Variants in CCDC187 observed in about 807,000 individuals in gnomAD.
CCDC187 encodes coiled-coil domain containing 187.
CCDC187 carries 32 observed loss-of-function variants against 38.0 expected under a neutral mutation model. The observed-to-expected ratio is 0.84, with a 90% CI of 0.64 to 1.13. The LOEUF (loss-of-function observed/expected upper bound fraction) is 1.13. Among genes scored for constraint, CCDC187 ranks in the 50% most tolerant of loss-of-function variants. CCDC187 has a pLI of 0.00. For missense variants in CCDC187, 707 were observed against 786.8 expected, an observed-to-expected ratio of 0.90 and a Z score of 1.21; for synonymous variants, 333 against 347.9, an observed-to-expected ratio of 0.96 and a Z score of 0.48.
At position 136,254,921 on chromosome 9, in the gene CCDC187, G is replaced by A. The variant is rs1830594498; in HGVS notation, c.4907C>T (p.Ala1636Val). 7.1e-6 allele frequency: 7 copies of A among 985,500 alleles called. No individual in the cohort carries two copies. Among genetic ancestry groups the A allele is most frequent in the African/African-American group, 1.7e-5 (1 of 57,366 alleles). The allele number at this position is 985,500 out of a possible 1,614,324, so 61.0% of individuals were successfully genotyped here. A position where few individuals can be genotyped will look rare whatever the true frequency, so the allele number is the denominator to read the frequency against. The change falls in exon 26 of 26, where the codon GCG (alanine) becomes GTG (valine). Residue 1636 changes from alanine (A) to valine (V), a missense_variant. Physicochemically the swap from Ala to Val is moderately conservative, Grantham distance 64 (BLOSUM62 0). Transcript: ENST00000638797. ...CCCAGAAAGCTGGATCAGGGTAGCC[G>A]CTGCTTTCTGGAACTCCCAGAGAGA... is the stretch of plus-strand genomic sequence containing the variant. ...CPSLWEFQKA[A>V]ATLIQLSGSS...
intron 24 of CCDC187, 53 bp from the exon 25 acceptor site, chr9:136,255,786 T>C (rs1390171737): frequency 5.5e-6 from 5 of 907,758 alleles, no homozygotes; most frequent in Non-Finnish European, 6.6e-6. Context: ...TCCTGGCCTC[T>C]TCCCCAGGGC....
Position 136,260,147 on chromosome 9 carries a change from C to T in CCDC187, c.4182G>A (p.Leu1394=), listed in dbSNP as rs1404170377. The T allele has an allele frequency of 1.1e-5, 11 of 985,362 alleles. No individual in the cohort carries two copies. Among genetic ancestry groups the T allele is most frequent in the Non-Finnish European group, 1.3e-5 (11 of 830,020 alleles). The allele number at this position is 985,362 out of a possible 1,614,324, so 61.0% of individuals were successfully genotyped here. A position where few individuals can be genotyped will look rare whatever the true frequency, so the allele number is the denominator to read the frequency against. ...GEDTHDPQGP[L]VESGSHVSQE... ...GACTGACATGGCTGCCACTCTCCAC[C>T]AGCGGGCCCTGGGGGTCGTGTGTGT... The change falls in exon 20 of 26, where the codon CTG becomes CTA. Residue 1394 remains leucine, a synonymous_variant. Transcript: ENST00000638797.
Position 136,260,182 on chromosome 9 carries a change from AT to A in CCDC187, c.4146del (p.Trp1383GlyfsTer37). ...TGGGGGTCGTGTGTGTCCTCGCCCC[AT>A]GCTGGCCTCGGAGGCTGCTGGTGAC... ...ADGHQQPPRP[A>X]WGEDTHDPQG... On this transcript the variant is annotated frameshift_variant, in exon 20 of 26. Coordinates refer to ENST00000638797, the MANE Select transcript of CCDC187 (RefSeq NM_001378188.1). LOFTEE classifies it high-confidence loss of function. 1 of 985,232 alleles carries A rather than the reference AT, an allele frequency of 1.0e-6. No individual in the cohort carries two copies. The highest frequency in any genetic ancestry group is 1.2e-6 in the Non-Finnish European group (1 of 830,008). The allele number at this position is 985,232 out of a possible 1,614,324, so 61.0% of individuals were successfully genotyped here.
In CCDC187 at chr9:136,290,461, C is replaced by A. The variant is rs955525915; in HGVS notation, c.2127+25G>T. 11 of 398,502 alleles carry A rather than the reference C, an allele frequency of 2.8e-5. No homozygotes were observed. In the East Asian group the frequency reaches 3.9e-4, roughly 14 times the overall value. The allele number at this position is 398,502 out of a possible 1,614,324, so 24.7% of individuals were successfully genotyped here. On this transcript the variant is annotated intron_variant, in intron 6 of 25. Coordinates refer to ENST00000638797, the MANE Select transcript of CCDC187 (RefSeq NM_001378188.1). Reference sequence around the variant, plus strand: ...CTCTGGCCCATGGCTGAGCCGAGTCCCCCCAACCCAACCCCAGCATGTACC... The same window carrying A: ...CTCTGGCCCATGGCTGAGCCGAGTCACCCCAACCCAACCCCAGCATGTACC...
intron 4 of CCDC187, chr9:136,296,170 C>G (rs1831530811): frequency 6.6e-6 from 1 of 152,402 alleles, no homozygotes. Context: ...CACGCAGTGC[C>G]CCTCCCCACG....
chr9:136,275,699 C>T (rs1454233847), intron 12 of CCDC187, among the ~76,000 whole-genome samples: 1 of 152,210 alleles, frequency 6.6e-6, no homozygotes, highest in Admixed American at 6.5e-5. Flanking sequence ...GACATTGTCC[C>T]CTCATGGGGC....
chr9:136,271,761 C>A (rs1004930578), intron 14 of CCDC187, among the ~76,000 whole-genome samples: 1 of 151,762 alleles, frequency 6.6e-6, no homozygotes, highest in South Asian at 2.1e-4. Context: ...GCACCCGCCA[C>A]CGCATCTGGC....
chr9:136,298,597 G>A (rs959640990), intron 3 of CCDC187, among the ~76,000 whole-genome samples: 9 of 152,244 alleles, frequency 5.9e-5, no homozygotes, highest in South Asian at 2.1e-4. Context: ...GCCCAAAGGC[G>A]TCTGGGCCTC....
chr9:136,284,106 T>C (rs1831113827), intron 9 of CCDC187, among the ~76,000 whole-genome samples: 1 of 151,654 alleles, frequency 6.6e-6, no homozygotes, highest in Non-Finnish European at 1.5e-5. Context: ...GGCCAGGAAA[T>C]GTCCCAGCAG....
chr9:136,289,636 G>A (rs916898634), intron 7 of CCDC187, among the ~76,000 whole-genome samples: 70 of 152,314 alleles, frequency 4.6e-4, no homozygotes, highest in Non-Finnish European at 6.9e-4. Context: ...GGGGCTCATG[G>A]GGAGATGGAA....
chr9:136,301,376 A>G (rs1050412789), intron 2 of CCDC187, among the ~76,000 whole-genome samples: 1 of 152,006 alleles, frequency 6.6e-6, no homozygotes, highest in African/African-American at 2.4e-5. Flanking sequence ...CAGAGTTGTC[A>G]GAGCTACAGA....
At position 136,264,758 on chromosome 9, in the gene CCDC187, C is replaced by T. The variant is rs1251431204; in HGVS notation, c.3736-960G>A. 6.8e-6 allele frequency among the ~76,000 whole-genome samples: 1 copy of T among 146,706 alleles called. No homozygotes were observed. The highest frequency in any genetic ancestry group is 1.5e-5 in the Non-Finnish European group (1 of 66,312). On this transcript the variant is annotated intron_variant, in intron 17 of 25. Coordinates refer to ENST00000638797, the MANE Select transcript of CCDC187 (RefSeq NM_001378188.1). This position sits in a 1 kb window ranked among gnomAD's most constrained non-coding sequence, Gnocchi z 4.3. ...GGCAAAGTAGTCCCCCACCCCAGCT[C>T]ACCTTTTTTTTTTTTGAAACAAGGT...
chr9:136,259,007 G>C lies in CCDC187; in HGVS notation c.4297-6C>G. 1.0e-6 allele frequency: 1 copy of C among 986,106 alleles called. No individual in the cohort carries two copies. The highest frequency in any genetic ancestry group is 1.7e-5 in the African/African-American group (1 of 57,374). 61.1% of individuals were successfully genotyped at this position (986,106 alleles called of 1,614,324 possible). A position where few individuals can be genotyped will look rare whatever the true frequency, so the allele number is the denominator to read the frequency against. ...CGCCCCTCCGCCTCCTCGGCCTGGG[G>C]GGTGAGACGGGAGTGGACATGGCAC... On this transcript the variant is annotated splice_polypyrimidine_tract_variant and splice_region_variant and intron_variant, in intron 21 of 25. Coordinates refer to ENST00000638797, the MANE Select transcript of CCDC187 (RefSeq NM_001378188.1).
upstream of CCDC187, among the ~76,000 whole-genome samples, chr9:136,306,335 T>C (rs1831803900): frequency 6.6e-6 from 1 of 152,304 alleles, no homozygotes; most frequent in African/African-American, 2.4e-5. Flanking sequence ...CCACCCACCA[T>C]GCTCCAGTCC....
Position 136,257,759 on chromosome 9 carries a change from C to T in CCDC187, c.4367-918G>A, listed in dbSNP as rs191719143. 2.0e-5 allele frequency among the ~76,000 whole-genome samples: 3 copies of T among 152,378 alleles called. No homozygotes were observed. Among genetic ancestry groups the T allele is most frequent in the Admixed American group, 2.0e-4 (3 of 15,310 alleles). ...AAGCCCAAGGAGGGGGAAGCTCCAT[C>T]AGTGGGAACACCTGCCCTCTTGTCC... On this transcript the variant is annotated intron_variant, in intron 22 of 25. Coordinates refer to ENST00000638797, the MANE Select transcript of CCDC187 (RefSeq NM_001378188.1). The surrounding 1 kb of genome is among the most constrained non-coding windows in gnomAD (Gnocchi z 4.5).
rs1336792231 is a variant in CCDC187 at position 136,303,187 on chromosome 9, C to A, written c.250G>T (p.Asp84Tyr). The A allele has an allele frequency of 5.0e-6, 2 of 398,480 alleles. No individual in the cohort carries two copies. Among genetic ancestry groups the A allele is most frequent in the South Asian group, 1.3e-4 (1 of 7,792 alleles). 24.7% of individuals were successfully genotyped at this position (398,480 alleles called of 1,614,324 possible). The change falls in exon 2 of 26, where the codon GAC (aspartate) becomes TAC (tyrosine). Residue 84 changes from aspartate (D) to tyrosine (Y), a missense_variant. Coordinates refer to ENST00000638797, the MANE Select transcript of CCDC187 (RefSeq NM_001378188.1). ...CCCCAGGGTCCTGGTTCCTTGAGGT[C>A]GTCAGACCCGACCACGTGGGGAGCT... ...WAAPHVVGSD[D>Y]LKEPGPWGKA...
At chr9:136,278,133 T>C (rs1187361327) in intron 10 of CCDC187, among the ~76,000 whole-genome samples, 1 of 152,260 alleles carries the variant, frequency 6.6e-6, no homozygotes, top group African/African-American at 2.4e-5. Context: ...CAGGTGTCTG[T>C]TCTGAGCTGA....
rs1272772062 is a variant in CCDC187 at position 136,289,945 on chromosome 9, A to G, written c.2222+14T>C. 5.0e-5 allele frequency: 18 copies of G among 358,738 alleles called. No homozygotes were observed. In the East Asian group the frequency reaches 7.1e-4, roughly 14 times the overall value. 22.2% of individuals were successfully genotyped at this position (358,738 alleles called of 1,614,324 possible). The stretch of plus-strand genomic sequence containing the variant: ...CCCGCCCGGCATGTGCAGCACCCAC[A>G]CTTTCACACCCACCTGCCTGGGGCT... On this transcript the variant is annotated intron_variant, in intron 7 of 25. Coordinates refer to ENST00000638797, the MANE Select transcript of CCDC187 (RefSeq NM_001378188.1).
At chr9:136,301,553 T>C (rs1160420194) in intron 2 of CCDC187, among the ~76,000 whole-genome samples, 1 of 151,322 alleles carries the variant, frequency 6.6e-6, no homozygotes, top group Non-Finnish European at 1.5e-5. Flanking sequence ...TTAAAATGGT[T>C]AAGATGGTAC....
Sources: gnomAD v4.1 joint callset for allele counts (sites outside exome capture counted in the v4.1 genomes callset) on GRCh38, gnomAD v4.1.1 for gene constraint, Gnocchi (gnomAD v3.1) non-coding constraint, MANE v1.5 for transcripts, NCBI Gene and HGNC (gene_info 2026-07-23, HGNC 2026-07-21) for gene names.